ZNF385B: variants seen among roughly 807,000 people sequenced by gnomAD.
ZNF385B encodes zinc finger protein 385B.
Under a neutral mutation model 39.2 loss-of-function variants are expected in ZNF385B, and 23 were observed. The ratio of observed to expected loss-of-function variants is 0.59; its 90% CI spans 0.42 to 0.83. ZNF385B has a LOEUF of 0.83. Among genes scored for constraint, ZNF385B ranks in the 40% least tolerant of loss-of-function variants. The pLI is 0.00. For missense variants in ZNF385B, 552 were observed against 598.9 expected (o/e 0.92, Z 0.82); for synonymous variants, 205 against 222.6 (o/e 0.92, Z 0.70).
intron 3 of ZNF385B, among the ~76,000 whole-genome samples, chr2:179,589,785 C>T (rs1307971789): frequency 6.6e-6 from 1 of 152,066 alleles, no homozygotes; most frequent in African/African-American, 2.4e-5. Context: ...GTGAAAAGTC[C>T]CACTGTGCAT....
At chr2:179,690,009 C>T (rs1281463101) in intron 3 of ZNF385B, among the ~76,000 whole-genome samples, 1 of 152,148 alleles carries the variant, frequency 6.6e-6, no homozygotes, top group Non-Finnish European at 1.5e-5. Context: ...CATTGCTAGT[C>T]TCTGGTTCTT....
At chr2:179,523,223 G>A (rs1332735050) in intron 4 of ZNF385B, among the ~76,000 whole-genome samples, 2 of 151,740 alleles carry the variant, frequency 1.3e-5, no homozygotes, top group African/African-American at 4.8e-5. Context: ...CAATTATACT[G>A]TAGTACTTAT....
At chr2:179,570,255 G>A (rs537099935) in intron 3 of ZNF385B, among the ~76,000 whole-genome samples, 2 of 152,294 alleles carry the variant, frequency 1.3e-5, no homozygotes, top group African/African-American at 4.8e-5. Context: ...CAGAACATGG[G>A]AGGGGGAAAG....
At position 179,719,884 on chromosome 2, in the gene ZNF385B, C is replaced by A. The variant is rs539922953; in HGVS notation, c.298+49619G>T. Among the ~76,000 whole-genome samples the A allele has an allele frequency of 2.0e-5, 3 of 152,272 alleles. No individual in the cohort carries two copies. In the South Asian group the frequency reaches 6.2e-4, roughly 32 times the overall value. ...TTACCTGTGAATGTATTTTCCAAGT[C>A]CCCGCAAGGTATACACTCAGTTAAG... On this transcript the variant is annotated intron_variant, in intron 3 of 9. Coordinates refer to ENST00000410066, the MANE Select transcript of ZNF385B (RefSeq NM_152520.6).
At chr2:179,847,351 A>C (rs949082578) in intron 1 of ZNF385B, among the ~76,000 whole-genome samples, 2 of 152,222 alleles carry the variant, frequency 1.3e-5, no homozygotes, top group Non-Finnish European at 2.9e-5. Context: ...TTGAATTAAA[A>C]GAAAAGAGAG....
intron 4 of ZNF385B, among the ~76,000 whole-genome samples, chr2:179,525,722 A>G (rs2058843694): frequency 2.0e-5 from 3 of 152,256 alleles, no homozygotes; most frequent in African/African-American, 4.8e-5. Flanking sequence ...TCCTTCTTGA[A>G]TATCAGCCTT....
intron 5 of ZNF385B, among the ~76,000 whole-genome samples, chr2:179,504,651 C>G (rs990478285): frequency 2.6e-5 from 4 of 151,492 alleles, no homozygotes; most frequent in African/African-American, 9.7e-5. Flanking sequence ...TTTTTCAGGG[C>G]CTGTTGTGGG....
chr2:179,772,357 G>A (rs1462883124), intron 1 of ZNF385B, among the ~76,000 whole-genome samples: 7 of 152,028 alleles, frequency 4.6e-5, no homozygotes, highest in South Asian at 2.1e-4. Context: ...CTCCAACACC[G>A]CATTCATGGG....
intron 1 of ZNF385B, among the ~76,000 whole-genome samples, chr2:179,788,432 C>T (rs1302998864): frequency 6.6e-6 from 1 of 152,096 alleles, no homozygotes; most frequent in Non-Finnish European, 1.5e-5. Context: ...GTAACATGCT[C>T]AAGAGTAACA....
At chr2:179,762,000 C>T (rs1197502857) in intron 3 of ZNF385B, among the ~76,000 whole-genome samples, 8 of 152,002 alleles carry the variant, frequency 5.3e-5, no homozygotes, top group South Asian at 2.1e-4. Flanking sequence ...GAAAAACATT[C>T]GGTCTTTCAC....
chr2:179,790,378 T>C (rs1014826336), intron 1 of ZNF385B, among the ~76,000 whole-genome samples: 6 of 152,204 alleles, frequency 3.9e-5, no homozygotes, highest in Non-Finnish European at 8.8e-5. Context: ...AGTGCAGCTG[T>C]GTTTAATGCA....
chr2:179,546,629 G>A (rs1206266103), intron 3 of ZNF385B, among the ~76,000 whole-genome samples: 1 of 152,030 alleles, frequency 6.6e-6, no homozygotes. Context: ...ATCTGTTGAT[G>A]GACACTTAGT....
intron 6 of ZNF385B, among the ~76,000 whole-genome samples, chr2:179,460,133 A>G (rs1006978176): frequency 6.6e-6 from 1 of 152,002 alleles, no homozygotes; most frequent in African/African-American, 2.4e-5. Context: ...AGAAAAAAAA[A>G]TATATAATGT....
chr2:179,791,708 C>T (rs1053619412), intron 1 of ZNF385B, among the ~76,000 whole-genome samples: 7 of 152,158 alleles, frequency 4.6e-5, no homozygotes, highest in Middle Eastern at 3.2e-3. Context: ...AATACTGAGC[C>T]TATCTTTATT....
At chr2:179,849,372 C>T (rs1429237219) in intron 1 of ZNF385B, among the ~76,000 whole-genome samples, 2 of 152,204 alleles carry the variant, frequency 1.3e-5, no homozygotes, top group African/African-American at 4.8e-5. Context: ...GGTCACACAG[C>T]TAGTTAAAAG....
chr2:179,844,986 T>C (rs1373028777), intron 1 of ZNF385B, among the ~76,000 whole-genome samples: 1 of 152,220 alleles, frequency 6.6e-6, no homozygotes, highest in Non-Finnish European at 1.5e-5. Flanking sequence ...ACAGTATCCA[T>C]ATACCTGGGA....
intron 3 of ZNF385B, among the ~76,000 whole-genome samples, chr2:179,663,713 C>CAAAAA (rs71401756): frequency 0.064 from 4,344 of 67,650 alleles, 625 homozygotes; most frequent in African/African-American, 0.22. Flanking sequence ...GACTCCGTCT[C>CAAAAA]AAAAAAAAAA....
At chr2:179,735,712 A>G (rs1346251191) in intron 3 of ZNF385B, among the ~76,000 whole-genome samples, 1 of 151,140 alleles carries the variant, frequency 6.6e-6, no homozygotes, top group African/African-American at 2.4e-5. Context: ...ATAAAAAATG[A>G]TGAGTTCATG....
intron 5 of ZNF385B, among the ~76,000 whole-genome samples, chr2:179,495,989 A>G (rs1176840513): frequency 6.6e-6 from 1 of 152,214 alleles, no homozygotes; most frequent in Non-Finnish European, 1.5e-5. Flanking sequence ...GACTTCACCA[A>G]ATGAACTAAA....
Sources: gnomAD v4.1 joint callset for allele counts (sites outside exome capture counted in the v4.1 genomes callset) on GRCh38, gnomAD v4.1.1 for gene constraint, MANE v1.5 for transcripts, NCBI Gene and HGNC (gene_info 2026-07-23, HGNC 2026-07-21) for gene names.